The following TOX2 variants were observed in gnomAD, a reference collection of about 807,000 sequenced individuals.
The protein encoded by TOX2 is granulosa cell HMG box 1.
In TOX2, 15 loss-of-function variants were observed where a neutral mutation model predicts 47.4. That is an observed-to-expected ratio of 0.32 (90% confidence interval 0.21 to 0.49). TOX2 has a LOEUF of 0.49. Ranked by LOEUF, TOX2 falls within the 20% of genes least tolerant of loss-of-function variation. TOX2 has a pLI of 0.99. For missense variants in TOX2, 622 were observed against 673.1 expected (o/e 0.92, Z 0.84); for synonymous variants, 290 against 296.6 (o/e 0.98, Z 0.23).
At position 44,048,094 on chromosome 20, in the gene TOX2, C is replaced by G. The variant is rs1334795141; in HGVS notation, c.412-3212C>G. 3.3e-5 allele frequency among the ~76,000 whole-genome samples: 5 copies of G among 152,016 alleles called. No homozygotes were observed. The East Asian group carries it at 9.6e-4, about 29-fold the overall frequency. On this transcript the variant is annotated intron_variant, in intron 3 of 8. Coordinates refer to ENST00000341197, the MANE Select transcript of TOX2 (RefSeq NM_001098797.2). Reference sequence around the variant, plus strand: ...AGTAGCCGGGTGTGGTGACATGCACCTGTAATTCCAGCTACTCAGGAGGCT... The same window carrying G: ...AGTAGCCGGGTGTGGTGACATGCACGTGTAATTCCAGCTACTCAGGAGGCT...
intron 5 of TOX2, among the ~76,000 whole-genome samples, chr20:44,056,996 A>C (rs2071630737): frequency 6.6e-6 from 1 of 152,146 alleles, no homozygotes. Context: ...TGCAGCCTTG[A>C]ACTCCTGGGC....
At chr20:43,925,274 T>G (rs183712174) in intron 1 of TOX2, among the ~76,000 whole-genome samples, 215 of 152,244 alleles carry the variant, frequency 1.4e-3, no homozygotes, top group Non-Finnish European at 1.6e-3. Context: ...CTAGATCTGT[T>G]CTGTGGTTGT....
intron 1 of TOX2, among the ~76,000 whole-genome samples, chr20:43,936,755 G>T (rs2069331175): frequency 6.6e-6 from 1 of 152,160 alleles, no homozygotes; most frequent in Non-Finnish European, 1.5e-5. Flanking sequence ...CACCTTTGTT[G>T]TTGTCCCATT....
intron 2 of TOX2, among the ~76,000 whole-genome samples, chr20:43,981,504 G>A (rs555046089): frequency 3.6e-4 from 55 of 152,324 alleles, no homozygotes; most frequent in African/African-American, 5.3e-4. Flanking sequence ...CGTTGTACAT[G>A]CATGTACCTC....
chr20:43,982,411 CTAATG>C (rs919081144), intron 2 of TOX2, among the ~76,000 whole-genome samples: 1 of 152,066 alleles, frequency 6.6e-6, no homozygotes, highest in African/African-American at 2.4e-5. Flanking sequence ...TCAAAAGAGA[CTAATG>C]TAAAGGATCA....
chr20:44,037,445 C>T (rs2071259348), intron 3 of TOX2, among the ~76,000 whole-genome samples: 1 of 152,224 alleles, frequency 6.6e-6, no homozygotes, highest in Non-Finnish European at 1.5e-5. Flanking sequence ...CATGTTGAAG[C>T]TGTTAAGATC....
chr20:44,051,482 C>T lies in TOX2; in HGVS notation c.588C>T (p.Ser196=). 1 of 1,613,092 alleles carries T rather than the reference C, an allele frequency of 6.2e-7. No individual in the cohort carries two copies. Among genetic ancestry groups the T allele is most frequent in the Non-Finnish European group, 8.5e-7 (1 of 1,179,398 alleles). The change falls in exon 4 of 9, where the codon AGC becomes AGT. Residue 196 remains serine, a synonymous_variant. Transcript: ENST00000341197. ...IAHSSPSPPG[S]KSATPSPSSS... is the part of the protein sequence containing the mutation. ...ACAGCTCCCCATCACCGCCGGGGAG[C>T]AAGTCAGCGACCCCCTCTCCCTCCA...
chr20:43,947,411 C>A (rs549133586), intron 1 of TOX2, among the ~76,000 whole-genome samples: 1 of 152,320 alleles, frequency 6.6e-6, no homozygotes, highest in East Asian at 1.9e-4. Flanking sequence ...GGAAGGACCT[C>A]ATTAATGAGG....
intron 4 of TOX2, among the ~76,000 whole-genome samples, chr20:44,054,091 C>T (rs1228194018): frequency 6.6e-6 from 1 of 152,194 alleles, no homozygotes; most frequent in African/African-American, 2.4e-5. Flanking sequence ...TCTGAATCAA[C>T]TTTACAATCA....
intron 2 of TOX2, among the ~76,000 whole-genome samples, chr20:43,978,900 A>G (rs1294071486): frequency 6.6e-6 from 1 of 152,120 alleles, no homozygotes; most frequent in Non-Finnish European, 1.5e-5. Flanking sequence ...GAGGGTTGGT[A>G]ATAGGCCAAG....
chr20:43,962,186 G>A (rs2069772512), intron 1 of TOX2, among the ~76,000 whole-genome samples: 1 of 152,224 alleles, frequency 6.6e-6, no homozygotes, highest in Admixed American at 6.5e-5. Context: ...AGCTACCAGT[G>A]GCAGTACCAG....
At position 43,992,998 on chromosome 20, in the gene TOX2, G is replaced by C. The variant is rs531403666; in HGVS notation, c.166-13549G>C. On this transcript the variant is annotated intron_variant, in intron 2 of 8. Coordinates refer to ENST00000341197, the MANE Select transcript of TOX2 (RefSeq NM_001098797.2). Reference sequence around the variant, plus strand: ...ACCCACCAAGCATGTTTTCCCCTCAGTATTCCTCCACCAGTGGCTCGAGAT... The same window carrying C: ...ACCCACCAAGCATGTTTTCCCCTCACTATTCCTCCACCAGTGGCTCGAGAT... 2.5e-4 allele frequency among the ~76,000 whole-genome samples: 38 copies of C among 152,190 alleles called. No homozygotes were observed. In the South Asian group the frequency reaches 7.7e-3, roughly 31 times the overall value.
chr20:44,032,248 C>T (rs1251099716), intron 3 of TOX2, among the ~76,000 whole-genome samples: 2 of 152,138 alleles, frequency 1.3e-5, no homozygotes, highest in South Asian at 2.1e-4. Flanking sequence ...AGCTCACCTC[C>T]CATGGTTTTC....
rs149074759 is a variant in TOX2 at position 43,966,144 on chromosome 20, G to A, written c.100-7223G>A. Among the ~76,000 whole-genome samples the A allele has an allele frequency of 7.2e-3, 1,102 of 152,308 alleles. 3 individuals are homozygous for A. The highest frequency in any genetic ancestry group is 0.021 in the South Asian group (100 of 4,832). ...AACCTTATGAGGTAGGAATGTAGCT[G>A]TCATAATTGTTGTTTTATAGGTGAG... On this transcript the variant is annotated intron_variant, in intron 1 of 8. Transcript: ENST00000341197.
intron 1 of TOX2, 150 bp from the exon 2 acceptor site, chr20:43,973,217 T>C: frequency 1.4e-6 from 1 of 703,512 alleles, no homozygotes. Context: ...CCTGCTGAAA[T>C]GGGGCTTTGG....
chr20:43,935,536 A>C (rs944703), intron 1 of TOX2, among the ~76,000 whole-genome samples: 19,243 of 152,166 alleles, frequency 0.13, 1,435 homozygotes, highest in East Asian at 0.27. Flanking sequence ...TAACCCCTAC[A>C]ACAGCCCTGC....
At chr20:43,984,986 A>C (rs1377959689) in intron 2 of TOX2, among the ~76,000 whole-genome samples, 5 of 152,166 alleles carry the variant, frequency 3.3e-5, no homozygotes, top group African/African-American at 9.6e-5. Context: ...GAGAATGAAG[A>C]TTTTATACAT....
intron 5 of TOX2, among the ~76,000 whole-genome samples, chr20:44,059,732 A>G (rs1307015400): frequency 1.3e-5 from 2 of 152,242 alleles, no homozygotes; most frequent in Non-Finnish European, 2.9e-5. Context: ...CCAAGCCAGC[A>G]CTGCAAGAAC....
chr20:44,066,052 C>A lies in TOX2; in HGVS notation c.1301C>A (p.Thr434Asn), dbSNP rs1426538485. The change falls in exon 7 of 9, where the codon ACC becomes AAC. Residue 434 changes from threonine to asparagine, a missense_variant. This residue lies in a region of TOX2 where 294 missense variants were observed against 300.0 expected (regional missense o/e 0.98). Coordinates refer to ENST00000341197, the MANE Select transcript of TOX2 (RefSeq NM_001098797.2). ...SPAPQPPVLP[T>N]PMALQVQLAM... The stretch of plus-strand genomic sequence containing the variant: ...GCCCCCCAGCCCCCTGTCCTGCCCA[C>A]CCCCATGGCACTCCAGGTGCAGCTG... 5.7e-6 allele frequency: 9 copies of A among 1,583,950 alleles called. 1 individual carries two copies. In the South Asian group the frequency reaches 8.1e-5, roughly 14 times the overall value.
Sources: allele counts gnomAD v4.1 joint callset (sites outside exome capture counted in the v4.1 genomes callset), GRCh38; gene constraint gnomAD v4.1.1; regional missense constraint gnomAD v4.1.1; transcripts MANE v1.5; gene names NCBI Gene and HGNC (gene_info 2026-07-23, HGNC 2026-07-21).